MID1: variants seen among roughly 807,000 people sequenced by gnomAD.
The protein encoded by MID1 is midline 1, also known as E3 ubiquitin-protein ligase Midline-1.
In MID1, 7 loss-of-function variants were observed where a neutral mutation model predicts 40.4. The ratio of observed to expected loss-of-function variants is 0.17; its 90% CI spans 0.10 to 0.33. The LOEUF (loss-of-function observed/expected upper bound fraction) is 0.33, where lower values mean the gene tolerates loss of function less well. MID1 is among the 10% of genes least tolerant of loss of function. The pLI, the probability that MID1 is intolerant of heterozygous loss-of-function variation, is 1.00. For missense variants in MID1, 367 were observed against 558.5 expected, an observed-to-expected ratio of 0.66 and a Z score of 3.46; for synonymous variants, 229 against 221.2, an observed-to-expected ratio of 1.04 and a Z score of -0.31.
chrX:10,761,422 T>C (rs73484906), intron 1 of MID1, among the ~76,000 whole-genome samples: 6,739 of 111,798 alleles, frequency 0.06, 516 homozygotes, highest in African/African-American at 0.21. Context: ...TGCTGGAAGA[T>C]TGGCCCCAAT....
intron 4 of MID1, among the ~76,000 whole-genome samples, chrX:10,491,103 C>CT (rs1029896737): frequency 8.9e-6 from 1 of 111,925 alleles, no homozygotes; most frequent in Non-Finnish European, 1.9e-5. Context: ...GGCTGGCAAA[C>CT]TTTTCCTGTA....
intron 1 of MID1, among the ~76,000 whole-genome samples, chrX:10,818,729 GGAT>G (rs1175303643): frequency 5.4e-5 from 6 of 112,048 alleles, no homozygotes; most frequent in African/African-American, 1.6e-4. Flanking sequence ...AGCTGGGAGG[GGAT>G]GATATTAGCC....
chrX:10,576,255 T>A (rs975469782), intron 1 of MID1, among the ~76,000 whole-genome samples: 13 of 111,612 alleles, frequency 1.2e-4, no homozygotes, highest in African/African-American at 4.2e-4. Context: ...TTCTGTACTT[T>A]CACATCTGCC....
intron 1 of MID1, among the ~76,000 whole-genome samples, chrX:10,696,229 A>G (rs894325144): frequency 1.8e-5 from 2 of 111,668 alleles, no homozygotes; most frequent in Non-Finnish European, 3.8e-5. Flanking sequence ...ACTCGACTAG[A>G]AAAGGGAAAA....
chrX:10,711,327 G>A (rs1317130668), intron 1 of MID1, among the ~76,000 whole-genome samples: 2 of 111,963 alleles, frequency 1.8e-5, no homozygotes, highest in African/African-American at 3.2e-5. Context: ...GCTCACCCTC[G>A]TTCCAGAATA....
intron 1 of MID1, among the ~76,000 whole-genome samples, chrX:10,590,510 T>C (rs1935269297): frequency 9.0e-6 from 1 of 111,374 alleles, no homozygotes; most frequent in Non-Finnish European, 1.9e-5. Flanking sequence ...CAAGTAGTCT[T>C]CTGAGGGTGA....
intron 1 of MID1, among the ~76,000 whole-genome samples, chrX:10,670,589 T>C (rs897582922): frequency 1.8e-5 from 2 of 111,966 alleles, no homozygotes; most frequent in African/African-American, 6.5e-5. Flanking sequence ...TACGTCAAGG[T>C]ATCAAGATCT....
intron 1 of MID1, among the ~76,000 whole-genome samples, chrX:10,748,375 G>A (rs1014693827): frequency 1.3e-4 from 15 of 112,040 alleles, no homozygotes; most frequent in African/African-American, 4.9e-4. Context: ...GAAACAAGTC[G>A]AGATAGTTCA....
At chrX:10,566,839 A>G in intron 2 of MID1, 49 bp downstream of exon 2, 1 of 1,171,459 alleles carries the variant, frequency 8.5e-7, no homozygotes, top group Non-Finnish European at 1.2e-6. Context: ...TTTTATTTCC[A>G]TGACATTTTC....
chrX:10,609,033 T>C (rs1935677959), intron 1 of MID1, among the ~76,000 whole-genome samples: 1 of 112,038 alleles, frequency 8.9e-6, no homozygotes, highest in Non-Finnish European at 1.9e-5. Context: ...ATCATGTCCA[T>C]TTAATACTAT....
intron 1 of MID1, chrX:10,583,010 C>G (rs1935053641): frequency 9.0e-6 from 1 of 110,814 alleles, no homozygotes. Flanking sequence ...TATGTATATC[C>G]ATTTGGCTTT....
At chrX:10,586,141 T>C (rs1308267396) in intron 1 of MID1, among the ~76,000 whole-genome samples, 1 of 111,465 alleles carries the variant, frequency 9.0e-6, no homozygotes, top group Non-Finnish European at 1.9e-5. Flanking sequence ...CCAGTACACT[T>C]ATAATAACTG....
At chrX:10,519,556 C>T (rs1377960158) in intron 3 of MID1, among the ~76,000 whole-genome samples, 1 of 111,733 alleles carries the variant, frequency 8.9e-6, no homozygotes, top group Non-Finnish European at 1.9e-5. Flanking sequence ...TCTACCCTGA[C>T]AATCATGTAG....
intron 1 of MID1, among the ~76,000 whole-genome samples, chrX:10,790,103 A>C (rs1042019713): frequency 9.0e-6 from 1 of 111,111 alleles, no homozygotes; most frequent in Admixed American, 9.6e-5. Context: ...TATGTTTCGT[A>C]TCATGACCTA....
At chrX:10,464,374 A>G (rs1216535969) in intron 7 of MID1, among the ~76,000 whole-genome samples, 1 of 111,960 alleles carries the variant, frequency 8.9e-6, no homozygotes, top group Non-Finnish European at 1.9e-5. Flanking sequence ...AGAAACCCTA[A>G]GTTTCAAGCA....
Position 10,474,723 on chromosome X carries a change from C to A in MID1, c.1041G>T (p.Gln347His), listed in dbSNP as rs1239445670. The change falls in exon 6 of 10, where the codon CAG (glutamine) becomes CAT (histidine). Residue 347 changes from glutamine to histidine, a missense_variant. This residue lies in a region of MID1 where 275 missense variants were observed against 383.1 expected (regional missense o/e 0.72). Coordinates refer to ENST00000317552, the MANE Select transcript of MID1 (RefSeq NM_000381.4). ...TGAGGTTGATTTCAGGAATTAGAAC[C>A]TGGGAGGATGCAGTTGCCATGGAGA... ...ERVSMATASS[Q>H]VLIPEINLND... 8.3e-7 allele frequency: 1 copy of A among 1,208,876 alleles called. No individual in the cohort carries two copies. Among genetic ancestry groups the A allele is most frequent in the Non-Finnish European group, 1.1e-6 (1 of 893,273 alleles).
chrX:10,517,033 T>C (rs1411925513), intron 3 of MID1, among the ~76,000 whole-genome samples: 2 of 111,511 alleles, frequency 1.8e-5, no homozygotes, highest in African/African-American at 6.5e-5. Flanking sequence ...TGGGGAGAGT[T>C]GGGTGGCTGA....
intron 1 of MID1, among the ~76,000 whole-genome samples, chrX:10,792,366 T>C (rs765179712): frequency 1.8e-5 from 2 of 111,738 alleles, no homozygotes; most frequent in African/African-American, 6.5e-5. Context: ...AAACCGTCGA[T>C]GGTAATACTG....
At chrX:10,521,840 CTT>C (rs1043202323) in intron 3 of MID1, among the ~76,000 whole-genome samples, 1 of 111,702 alleles carries the variant, frequency 9.0e-6, no homozygotes, top group African/African-American at 3.3e-5. Flanking sequence ...AAAACAGAAT[CTT>C]TGTTTTTTCT....
Sources: allele counts gnomAD v4.1 joint callset (sites outside exome capture counted in the v4.1 genomes callset), GRCh38; gene constraint gnomAD v4.1.1; regional missense constraint gnomAD v4.1.1; transcripts MANE v1.5; gene names NCBI Gene and HGNC (gene_info 2026-07-23, HGNC 2026-07-21).